The following FANCC variants were observed in gnomAD, a reference collection of about 807,000 sequenced individuals.
FANCC encodes the protein Fanconi anemia group C protein.
Under a neutral mutation model 71.3 loss-of-function variants are expected in FANCC, and 55 were observed. The observed-to-expected ratio is 0.77, with a 90% CI of 0.62 to 0.97. The LOEUF (loss-of-function observed/expected upper bound fraction) is 0.97, where lower values mean the gene tolerates loss of function less well. Ranked by LOEUF, FANCC falls within the 50% of genes least tolerant of loss-of-function variation. FANCC has a pLI of 0.00. For synonymous variants in FANCC, 275 were observed against 244.9 expected (o/e 1.12, Z -1.15); for missense variants, 678 against 670.9 (o/e 1.01, Z -0.12).
At chr9:95,214,621 G>A (rs1236909167) in intron 4 of FANCC, among the ~76,000 whole-genome samples, 1 of 152,150 alleles carries the variant, frequency 6.6e-6, no homozygotes, top group African/African-American at 2.4e-5. Context: ...ACTGACAGAC[G>A]AATGGATAAG....
chr9:95,250,065 G>A (rs141805865), intron 1 of FANCC, among the ~76,000 whole-genome samples: 1 of 152,132 alleles, frequency 6.6e-6, no homozygotes, highest in African/African-American at 2.4e-5. Context: ...AATCTCATAA[G>A]CCTGACTTCC....
chr9:95,293,818 C>T (rs1834207617), intron 1 of FANCC: 1 of 1,613,336 alleles, frequency 6.2e-7, no homozygotes, highest in Non-Finnish European at 8.5e-7. Context: ...TCCTGAGAAA[C>T]TCAAACCAGT....
intron 13 of FANCC, chr9:95,107,505 G>A (rs1177660804): frequency 1.0e-5 from 6 of 591,050 alleles, no homozygotes; most frequent in Non-Finnish European, 1.8e-5. Context: ...CACCATGCCA[G>A]GAACTGACCT....
intron 1 of FANCC, chr9:95,294,864 A>C: frequency 6.9e-7 from 1 of 1,451,412 alleles, no homozygotes; most frequent in Non-Finnish European, 9.2e-7. Context: ...CTCTGGATTA[A>C]AACTACGGAC....
intron 5 of FANCC, among the ~76,000 whole-genome samples, 196 bp from the exon 6 acceptor site, chr9:95,171,339 T>C (rs4647496): frequency 1.1e-3 from 162 of 152,262 alleles, no homozygotes; most frequent in African/African-American, 3.8e-3. Flanking sequence ...TTAATGTCTA[T>C]AATTCTGCAT....
intron 14 of FANCC, 70 bp downstream of exon 14, chr9:95,106,996 C>T (rs959618532): frequency 5.0e-5 from 75 of 1,485,968 alleles, no homozygotes; most frequent in Middle Eastern, 1.8e-4. Flanking sequence ...GCCAGACCCT[C>T]GGACAGGTAA....
At chr9:95,223,423 T>C (rs1386329856) in intron 4 of FANCC, among the ~76,000 whole-genome samples, 1 of 152,186 alleles carries the variant, frequency 6.6e-6, no homozygotes, top group Non-Finnish European at 1.5e-5. Context: ...CCCCTCTTTA[T>C]AAAGACAAGA....
rs867598995 is a variant in FANCC at position 95,289,158 on chromosome 9, T to A, written c.-79+28368A>T. On this transcript the variant is annotated intron_variant, in intron 1 of 14. Coordinates refer to ENST00000289081, the MANE Select transcript of FANCC (RefSeq NM_000136.3). The stretch of plus-strand genomic sequence containing the variant: ...TCAATCTACTACTTTTATATTTTAT[T>A]ACTCTGTTTTCTATAGTTTTTCAGA... Among the ~76,000 whole-genome samples the A allele has an allele frequency of 3.3e-5, 5 of 152,322 alleles. No homozygotes were observed. In the South Asian group the frequency reaches 1.0e-3, roughly 32 times the overall value.
intron 10 of FANCC, among the ~76,000 whole-genome samples, chr9:95,118,878 T>C (rs749042550): frequency 4.6e-5 from 7 of 152,232 alleles, no homozygotes; most frequent in Non-Finnish European, 8.8e-5. Flanking sequence ...GTAGTTAACA[T>C]GCATACATAT....
chr9:95,176,969 T>C (rs541411310), intron 4 of FANCC, among the ~76,000 whole-genome samples: 3 of 152,218 alleles, frequency 2.0e-5, no homozygotes, highest in Non-Finnish European at 2.9e-5. Context: ...TGACATTTGA[T>C]AGATTCAGAG....
chr9:95,116,058 C>A (rs1206370779), intron 11 of FANCC, among the ~76,000 whole-genome samples: 1 of 152,254 alleles, frequency 6.6e-6, no homozygotes, highest in Non-Finnish European at 1.5e-5. Flanking sequence ...CCCGAAGCCA[C>A]CTATTTATAT....
At chr9:95,140,242 G>A (rs1828432953) in intron 7 of FANCC, among the ~76,000 whole-genome samples, 1 of 152,052 alleles carries the variant, frequency 6.6e-6, no homozygotes, top group African/African-American at 2.4e-5. Flanking sequence ...GATTTACAGT[G>A]ACAGCGTCTG....
rs1588060425 is a variant in FANCC at position 95,114,654 on chromosome 9, C to T, written c.1129G>A (p.Glu377Lys). 2 of 1,614,164 alleles carry T rather than the reference C, an allele frequency of 1.2e-6. No individual in the cohort carries two copies. Among genetic ancestry groups the T allele is most frequent in the Non-Finnish European group, 8.5e-7 (1 of 1,179,986 alleles). The change falls in exon 12 of 15, where the codon GAA becomes AAA. Residue 377 changes from glutamate (E) to lysine (K), a missense_variant. Glu to Lys is a moderately conservative substitution (Grantham distance 56). Coordinates refer to ENST00000289081, the MANE Select transcript of FANCC (RefSeq NM_000136.3). ...CCATGAGTCTGGTCTTCAACTGCTT[C>T]TCTGAGCAGTTCAGAAATATGCTTC... ...TLKHISELLR[E>K]AVEDQTHGSC...
At chr9:95,298,070 C>A (rs1005921042) in intron 1 of FANCC, among the ~76,000 whole-genome samples, 12 of 152,014 alleles carry the variant, frequency 7.9e-5, no homozygotes, top group Non-Finnish European at 1.3e-4. Context: ...AGAAAATGGA[C>A]CACCAGGGGA....
At chr9:95,196,195 T>G (rs537842732) in intron 4 of FANCC, among the ~76,000 whole-genome samples, 51 of 152,314 alleles carry the variant, frequency 3.3e-4, no homozygotes, top group Non-Finnish European at 6.3e-4. Flanking sequence ...GGGGGAAGTA[T>G]TCAATCTTTC....
intron 11 of FANCC, 29 bp from the exon 12 acceptor site, chr9:95,114,739 G>C (rs201821952): frequency 6.3e-7 from 1 of 1,596,172 alleles, no homozygotes; most frequent in Non-Finnish European, 8.6e-7. Flanking sequence ...ACGTCAGAGG[G>C]CAACTGAGGA....
chr9:95,247,461 G>C lies in FANCC; in HGVS notation c.221C>G (p.Ala74Gly), dbSNP rs745549619. 1.2e-6 allele frequency: 2 copies of C among 1,613,488 alleles called. No homozygotes were observed. Among genetic ancestry groups the C allele is most frequent in the South Asian group, 1.1e-5 (1 of 91,068 alleles). Reference protein sequence around the residue: ...FPTIGQLLAKACWNPFILAYD... With the variant: ...FPTIGQLLAKGCWNPFILAYD... Reference sequence around the variant, plus strand: ...TGCTAAAATAAAAGGATTCCAACAAGCTTTTGCCAACAGTTGACCAATTGT... The same window carrying C: ...TGCTAAAATAAAAGGATTCCAACAACCTTTTGCCAACAGTTGACCAATTGT... The change falls in exon 3 of 15, where the codon GCT (alanine) becomes GGT (glycine). Residue 74 changes from alanine to glycine, a missense_variant. Physicochemically the swap from Ala to Gly is moderately conservative, Grantham distance 60. Transcript: ENST00000289081.
At chr9:95,274,141 G>A (rs1350821521) in intron 1 of FANCC, among the ~76,000 whole-genome samples, 1 of 152,024 alleles carries the variant, frequency 6.6e-6, no homozygotes, top group Non-Finnish European at 1.5e-5. Context: ...CGTCATCTAC[G>A]TTAGGTATTT....
intron 4 of FANCC, among the ~76,000 whole-genome samples, chr9:95,235,775 C>T (rs540673347): frequency 2.4e-5 from 3 of 123,440 alleles, no homozygotes; most frequent in Non-Finnish European, 4.8e-5. Flanking sequence ...ACCCAGGAGG[C>T]GGAGGTTGCA....
Sources: allele counts gnomAD v4.1 joint callset (sites outside exome capture counted in the v4.1 genomes callset), GRCh38; gene constraint gnomAD v4.1.1; transcripts MANE v1.5; gene names NCBI Gene and HGNC (gene_info 2026-07-23, HGNC 2026-07-21).